SPMIP11: variants seen among roughly 807,000 people sequenced by gnomAD.
SPMIP11 encodes sperm microtubule inner protein 11, also known as long intergenic non-protein coding RNA 935.
the SPMIP11 span, among the ~76,000 whole-genome samples, chr12:48,744,248 CAAA>C: frequency 1.3e-4 from 13 of 98,246 alleles, no homozygotes; most frequent in African/African-American, 2.4e-4. Context: ...AGCAACCTCT[CAAA>C]AAAAAAAAAA....
the SPMIP11 span, among the ~76,000 whole-genome samples, chr12:48,734,642 G>T: frequency 6.6e-6 from 1 of 152,144 alleles, no homozygotes; most frequent in Admixed American, 6.6e-5. Context: ...CTCTGTGATT[G>T]TTAATTTATA....
the SPMIP11 span, among the ~76,000 whole-genome samples, chr12:48,745,559 T>C: frequency 6.6e-6 from 1 of 152,074 alleles, no homozygotes; most frequent in Non-Finnish European, 1.5e-5. Flanking sequence ...GGAGCCGAGA[T>C]TGCACCTCCC....
chr12:48,759,190 G>A, the SPMIP11 span: 583 of 702,542 alleles, frequency 8.3e-4, 3 homozygotes, highest in Non-Finnish European at 1.2e-3. Flanking sequence ...TACTCAGAAC[G>A]AGTCTACTCT....
chr12:48,749,314 C>T, the SPMIP11 span, among the ~76,000 whole-genome samples: 1 of 150,564 alleles, frequency 6.6e-6, no homozygotes, highest in Non-Finnish European at 1.5e-5. Flanking sequence ...TCCTATTTCT[C>T]TGTTCCCCGT....
chr12:48,745,175 G>T, the SPMIP11 span, among the ~76,000 whole-genome samples: 2 of 151,026 alleles, frequency 1.3e-5, no homozygotes, highest in Non-Finnish European at 3.0e-5. Context: ...GGGTTGGGGG[G>T]ATTGAGGTAG....
chr12:48,762,569 T>C, the SPMIP11 span, among the ~76,000 whole-genome samples: 1 of 150,986 alleles, frequency 6.6e-6, no homozygotes, highest in Non-Finnish European at 1.5e-5. Context: ...GGTTTCACCA[T>C]ATTGGTCAGG....
chr12:48,754,758 G>A, the SPMIP11 span, among the ~76,000 whole-genome samples: 4 of 146,750 alleles, frequency 2.7e-5, no homozygotes, highest in South Asian at 2.2e-4. Flanking sequence ...CCTGTTTTTC[G>A]TTTTTTGAGG....
At chr12:48,742,888 A>T in the SPMIP11 span, among the ~76,000 whole-genome samples, 71 of 152,254 alleles carry the variant, frequency 4.7e-4, 1 homozygote, top group Admixed American at 1.6e-3. Context: ...TCCATTTAAA[A>T]AAATAAATAA....
the SPMIP11 span, among the ~76,000 whole-genome samples, chr12:48,753,858 A>G: frequency 2.0e-5 from 3 of 151,632 alleles, no homozygotes; most frequent in Non-Finnish European, 4.4e-5. Context: ...GTGTGCCACA[A>G]TGCCCGGCTA....
the SPMIP11 span, among the ~76,000 whole-genome samples, chr12:48,762,609 C>G: frequency 6.6e-6 from 1 of 151,940 alleles, no homozygotes; most frequent in East Asian, 1.9e-4. Flanking sequence ...CTCAGGTGAT[C>G]CACCTGCCTC....
At chr12:48,759,722 G>GA in the SPMIP11 span, among the ~76,000 whole-genome samples, 49 of 148,448 alleles carry the variant, frequency 3.3e-4, no homozygotes, top group South Asian at 1.3e-3. Context: ...TATCAGGCAG[G>GA]AAGAAAAAAA....
chr12:48,737,337 T>A, the SPMIP11 span, among the ~76,000 whole-genome samples: 2 of 152,086 alleles, frequency 1.3e-5, no homozygotes, highest in Admixed American at 1.3e-4. Context: ...TTTCATTCAT[T>A]GTTATGAACA....
chr12:48,764,185 C>G, the SPMIP11 span, among the ~76,000 whole-genome samples: 1 of 151,746 alleles, frequency 6.6e-6, no homozygotes, highest in Non-Finnish European at 1.5e-5. Context: ...GACGGGGTTT[C>G]TCCATGTTGG....
At chr12:48,732,770 GA>G in the SPMIP11 span, among the ~76,000 whole-genome samples, 93 of 109,746 alleles carry the variant, frequency 8.5e-4, no homozygotes, top group Middle Eastern at 6.8e-3. Context: ...AACTCCATCT[GA>G]AAAAAAAAAA....
the SPMIP11 span, among the ~76,000 whole-genome samples, chr12:48,738,014 G>C: frequency 6.6e-6 from 1 of 151,198 alleles, no homozygotes; most frequent in East Asian, 2.0e-4. Context: ...TAGTACAAAC[G>C]GAGTCTCCCT....
chr12:48,732,585 C>A, the SPMIP11 span, among the ~76,000 whole-genome samples: 1 of 151,616 alleles, frequency 6.6e-6, no homozygotes. Flanking sequence ...TCCTGGCCAA[C>A]ATGGTGAAAC....
chr12:48,765,663 T>C, the SPMIP11 span: 2 of 702,826 alleles, frequency 2.8e-6, no homozygotes, highest in Admixed American at 2.0e-5. Context: ...TAAGAAGATA[T>C]GGCTGCAGAA....
chr12:48,771,022 C>T, the SPMIP11 span: 1 of 1,571,948 alleles, frequency 6.4e-7, no homozygotes, highest in East Asian at 2.3e-5. This position sits in a 1 kb window ranked among gnomAD's most constrained non-coding sequence, Gnocchi z 4.3. Context: ...CAGACCCAGC[C>T]CTGCCCCAAC....
the SPMIP11 span, chr12:48,764,704 T>G: frequency 1.7e-6 from 1 of 584,426 alleles, no homozygotes; most frequent in Non-Finnish European, 3.0e-6. Context: ...TGAAGCAGGG[T>G]GTGGTGACCA....
Sources: allele counts gnomAD v4.1 joint callset (sites outside exome capture counted in the v4.1 genomes callset), GRCh38; gene constraint gnomAD v4.1.1; non-coding constraint Gnocchi (gnomAD v3.1); transcripts MANE v1.5; gene names NCBI Gene and HGNC (gene_info 2026-07-23, HGNC 2026-07-21).